Variants in FSD1L observed in about 807,000 individuals in gnomAD.
The protein encoded by FSD1L is fibronectin type III and SPRY domain containing 1 like.
A neutral mutation model predicts 71.6 loss-of-function variants in FSD1L; 45 were observed. The observed-to-expected ratio is 0.63, with a 90% CI of 0.49 to 0.81. The LOEUF (loss-of-function observed/expected upper bound fraction) is 0.81. FSD1L is among the 30% of genes least tolerant of loss of function. FSD1L has a pLI of 0.00. For synonymous variants in FSD1L, 197 were observed against 207.2 expected (o/e 0.95, Z 0.42); for missense variants, 561 against 618.1 (o/e 0.91, Z 0.98).
rs150775186 is a variant in FSD1L at position 105,535,474 on chromosome 9, T to A, written c.1378+156T>A. Among the ~76,000 whole-genome samples, 3 of 152,256 alleles carry A rather than the reference T, an allele frequency of 2.0e-5. No homozygotes were observed. In the East Asian group the frequency reaches 5.8e-4, roughly 29 times the overall value. Reference sequence around the variant, plus strand: ...GCAATCATAATCTCAATTCTAGAATTGACTGGAATGGTATATGTGATGTCT... The same window carrying A: ...GCAATCATAATCTCAATTCTAGAATAGACTGGAATGGTATATGTGATGTCT... On this transcript the variant is annotated intron_variant, in intron 12 of 13. Coordinates refer to ENST00000481272, the MANE Select transcript of FSD1L (RefSeq NM_001145313.3).
intron 10 of FSD1L, among the ~76,000 whole-genome samples, chr9:105,517,049 A>G (rs2131396747): frequency 6.6e-6 from 1 of 152,322 alleles, no homozygotes; most frequent in South Asian, 2.1e-4. Context: ...CAATAGCTGT[A>G]TCAATCAAGT....
intron 10 of FSD1L, among the ~76,000 whole-genome samples, chr9:105,517,259 T>C (rs1834788167): frequency 6.6e-6 from 1 of 152,180 alleles, no homozygotes. Context: ...CTTCAGGGTA[T>C]TATCGAGGAG....
intron 2 of FSD1L, 48 bp downstream of exon 2, chr9:105,461,663 C>G (rs1830706890): frequency 8.9e-7 from 1 of 1,129,702 alleles, no homozygotes; most frequent in Non-Finnish European, 1.3e-6. Context: ...AGATCTGATT[C>G]AAAATTAGAG....
At chr9:105,513,735 G>A (rs1031271136) in intron 10 of FSD1L, 34 of 847,224 alleles carry the variant, frequency 4.0e-5, no homozygotes, top group Non-Finnish European at 6.0e-5. Flanking sequence ...AAGCCATTGC[G>A]GCAGCCTTCA....
chr9:105,493,160 C>G (rs1325208408), intron 7 of FSD1L, among the ~76,000 whole-genome samples: 1 of 152,002 alleles, frequency 6.6e-6, no homozygotes, highest in African/African-American at 2.4e-5. Flanking sequence ...TCACTCAGGA[C>G]TTGCTTTATG....
intron 10 of FSD1L, chr9:105,531,051 C>G (rs1387108231): frequency 6.5e-6 from 1 of 152,680 alleles, no homozygotes. Flanking sequence ...TAAAACCTGT[C>G]TTTTCATCAC....
intron 6 of FSD1L, among the ~76,000 whole-genome samples, chr9:105,480,628 C>T (rs1016067861): frequency 6.6e-6 from 1 of 152,070 alleles, no homozygotes; most frequent in African/African-American, 2.4e-5. Flanking sequence ...TATTTTACAT[C>T]AGGCAGTAGC....
At chr9:105,500,072 T>G (rs12349260) in intron 7 of FSD1L, among the ~76,000 whole-genome samples, 1 of 152,218 alleles carries the variant, frequency 6.6e-6, no homozygotes, top group Non-Finnish European at 1.5e-5. Flanking sequence ...CATCTGTTCT[T>G]TTATGCTGTC....
Position 105,464,335 on chromosome 9 carries a change from T to C in FSD1L, c.207+4T>C. ...TCATACACTAAAAGGAGTTCAGGTA[T>C]GATTGTTTTATGAAAAATTTTGTGT... On this transcript the variant is annotated splice_donor_region_variant and intron_variant, in intron 3 of 13. Transcript: ENST00000481272. 7.2e-7 allele frequency: 1 copy of C among 1,395,096 alleles called. No homozygotes were observed. Among genetic ancestry groups the C allele is most frequent in the East Asian group, 2.6e-5 (1 of 38,596 alleles). 86.4% of individuals were successfully genotyped at this position (1,395,096 alleles called of 1,614,324 possible).
intron 10 of FSD1L, chr9:105,523,652 G>A: frequency 6.2e-7 from 1 of 1,606,822 alleles, no homozygotes; most frequent in Non-Finnish European, 8.5e-7. Context: ...GGCTTTTTAA[G>A]GCAACCATGT....
intron 5 of FSD1L, chr9:105,472,471 T>G (rs1190906507): frequency 6.5e-6 from 1 of 153,032 alleles, no homozygotes; most frequent in Non-Finnish European, 1.5e-5. Flanking sequence ...GATTGTAAAT[T>G]GTAAATTGTA....
At chr9:105,535,451 A>G in intron 12 of FSD1L, 133 bp downstream of exon 12, 1 of 899,966 alleles carries the variant, frequency 1.1e-6, no homozygotes, top group South Asian at 1.7e-5. Context: ...TTTTGATTGC[A>G]ATCATAATCT....
At position 105,535,315 on chromosome 9, in the gene FSD1L, G is replaced by T; in HGVS notation, c.1375G>T (p.Gly459Trp). ...AATAGGTGTATTTTGTGATTTTGAT[G>T]GGGGTAAGTTTATTTTCTCGTAGGT... is the stretch of plus-strand genomic sequence containing the variant. ...EKIGVFCDFD[G>W]GQLSFYDANS... Residue 459 changes from glycine (G) to tryptophan (W), a missense_variant, in exon 12 of 14, where the codon GGG becomes TGG. This residue lies in a region of FSD1L where 98 missense variants were observed against 102.3 expected (regional missense o/e 0.96). Transcript: ENST00000481272. The T allele has an allele frequency of 6.4e-7, 1 of 1,551,268 alleles. No homozygotes were observed. The highest frequency in any genetic ancestry group is 1.2e-5 in the South Asian group (1 of 83,980).
chr9:105,448,230 C>G lies in FSD1L; in HGVS notation c.10C>G (p.Gln4Glu). Reference sequence around the variant, plus strand: ...GGCTTAGCCACTCGCCATGGACTCCCAGAAAGTAAGCGGGGGAGGGGAGCC... The same window carrying G: ...GGCTTAGCCACTCGCCATGGACTCCGAGAAAGTAAGCGGGGGAGGGGAGCC... Reference protein sequence around the residue: MDSQKYCFKENENV... With the variant: MDSEKYCFKENENV... Residue 4 changes from glutamine to glutamate, a missense_variant, in exon 1 of 14, where the codon CAG becomes GAG. By Grantham distance (29) the Gln-to-Glu change is conservative. Around this residue, in one of 3 missense-constraint regions of FSD1L, gnomAD observed 410 missense variants for 413.5 expected, o/e 0.99. Coordinates refer to ENST00000481272, the MANE Select transcript of FSD1L (RefSeq NM_001145313.3). 1 of 1,534,558 alleles carries G rather than the reference C, an allele frequency of 6.5e-7. No individual in the cohort carries two copies.
At chr9:105,499,018 C>G (rs558084016) in intron 7 of FSD1L, among the ~76,000 whole-genome samples, 2 of 152,166 alleles carry the variant, frequency 1.3e-5, no homozygotes, top group Non-Finnish European at 2.9e-5. Context: ...GATTTCTATG[C>G]TTTTGAATTT....
At chr9:105,532,888 T>A (rs547339079) in intron 10 of FSD1L, among the ~76,000 whole-genome samples, 1 of 152,332 alleles carries the variant, frequency 6.6e-6, no homozygotes, top group Admixed American at 6.5e-5. Flanking sequence ...AATTGTCTAA[T>A]AAGTCTGATT....
chr9:105,520,827 C>G (rs1589067785), intron 10 of FSD1L: 21 of 1,612,258 alleles, frequency 1.3e-5, no homozygotes, highest in Non-Finnish European at 1.8e-5. Flanking sequence ...AGAAATCACT[C>G]CTCTTGTCCC....
intron 10 of FSD1L, among the ~76,000 whole-genome samples, chr9:105,529,093 G>C (rs74442717): frequency 6.6e-6 from 1 of 152,004 alleles, no homozygotes; most frequent in Non-Finnish European, 1.5e-5. Flanking sequence ...CAGTTAGAAT[G>C]GCGATCATGA....
chr9:105,524,587 A>G lies in FSD1L; in HGVS notation c.1026-9906A>G, dbSNP rs1008774198. ...GTTTATGGAGCTCAGTGTTTTAGCA[A>G]TCCAAGGTATTTTCCCATGAGCCTC... is the stretch of plus-strand genomic sequence containing the variant. On this transcript the variant is annotated intron_variant, in intron 10 of 13. Transcript: ENST00000481272. The G allele has an allele frequency of 4.3e-6, 7 of 1,613,792 alleles. No individual in the cohort carries two copies. In the African/African-American group the frequency reaches 5.3e-5, roughly 12 times the overall value.
Sources: gnomAD v4.1 joint callset for allele counts (sites outside exome capture counted in the v4.1 genomes callset) on GRCh38, gnomAD v4.1.1 for gene constraint, gnomAD v4.1.1 regional missense constraint, MANE v1.5 for transcripts, NCBI Gene and HGNC (gene_info 2026-07-23, HGNC 2026-07-21) for gene names.